Variants in RGPD3 observed in about 807,000 individuals in gnomAD.
The protein encoded by RGPD3 is ranBP2-like and GRIP domain-containing protein 3.
In RGPD3, 62 loss-of-function variants were observed where a neutral mutation model predicts 154.5. The ratio of observed to expected loss-of-function variants is 0.40; its 90% CI spans 0.33 to 0.50. RGPD3 has a LOEUF of 0.50. RGPD3 is among the 20% of genes least tolerant of loss of function. RGPD3 has a pLI of 0.59. For missense variants in RGPD3, 919 were observed against 1,716.8 expected, an observed-to-expected ratio of 0.54 and a Z score of 8.21; for synonymous variants, 308 against 607.0, an observed-to-expected ratio of 0.51 and a Z score of 7.24.
intron 8 of RGPD3, among the ~76,000 whole-genome samples, 156 bp downstream of exon 8, chr2:106,441,137 C>G (rs994679735): frequency 6.6e-6 from 1 of 151,838 alleles, no homozygotes. Context: ...GCTATTTCTT[C>G]GCATCTCTTC....
At chr2:106,443,684 C>A (rs1264657303) in intron 7 of RGPD3, among the ~76,000 whole-genome samples, 1 of 111,960 alleles carries the variant, frequency 8.9e-6, no homozygotes, top group South Asian at 3.0e-4. Context: ...TTCACTATTT[C>A]CTTTTTTTTT....
chr2:106,464,035 T>C (rs1678483367), intron 1 of RGPD3, among the ~76,000 whole-genome samples: 1 of 152,152 alleles, frequency 6.6e-6, no homozygotes, highest in African/African-American at 2.4e-5. Flanking sequence ...TGGAGGAGCA[T>C]AATAGCCAGT....
chr2:106,415,926 G>T lies in RGPD3; in HGVS notation c.4988C>A (p.Thr1663Lys). The T allele has an allele frequency of 2.5e-6, 4 of 1,611,842 alleles. No individual in the cohort carries two copies. The highest frequency in any genetic ancestry group is 3.4e-6 in the Non-Finnish European group (4 of 1,179,836). Residue 1663 changes from threonine (T) to lysine (K), a missense_variant, in exon 21 of 23, where the codon ACA becomes AAA. By Grantham distance (78) the Thr-to-Lys change is moderately conservative. Coordinates refer to ENST00000409886, the MANE Select transcript of RGPD3 (RefSeq NM_001144013.2). Reference sequence around the variant, plus strand: ...GCCGTTTAAGTGATCTGCACTTTTTGTGGTGGAACTGAGCTTCTGAACCAA... The same window carrying T: ...GCCGTTTAAGTGATCTGCACTTTTTTTGGTGGAACTGAGCTTCTGAACCAA... ...EELVQKLSST[T>K]KSADHLNGLL...
chr2:106,467,447 GCCGCCGC>G (rs1335323426), intron 1 of RGPD3, among the ~76,000 whole-genome samples: 66 of 85,678 alleles, frequency 7.7e-4, no homozygotes, highest in East Asian at 2.2e-3. Context: ...CCGGGTCGAG[GCCGCCGC>G]CTCAACAGAG....
At chr2:106,469,709 C>G (rs1678764383), upstream of RGPD3, among the ~76,000 whole-genome samples, 1 of 152,194 alleles carries the variant, frequency 6.6e-6, no homozygotes, top group African/African-American at 2.4e-5. Context: ...AACCAATCAG[C>G]TGACAAATTC....
chr2:106,412,810 G>A lies in RGPD3; in HGVS notation c.5266+274C>T, dbSNP rs200640987. On this transcript the variant is annotated intron_variant, in intron 22 of 22. Transcript: ENST00000409886. ...ACCACGTTCAGCTGAACACCAGAACGCAACACCAGGATAAAAATCCAATTT... is the reference window on the plus strand; with the variant it reads ...ACCACGTTCAGCTGAACACCAGAACACAACACCAGGATAAAAATCCAATTT... 1,917 of 599,838 alleles carry A rather than the reference G, an allele frequency of 3.2e-3. 6 individuals carry two copies. The highest frequency in any genetic ancestry group is 5.3e-3 in the Non-Finnish European group (1,729 of 325,318). The allele number at this position is 599,838 out of a possible 1,614,324, so 37.2% of individuals were successfully genotyped here. A position where few individuals can be genotyped will look rare whatever the true frequency, so the allele number is the denominator to read the frequency against.
chr2:106,441,186 A>T (rs62152472), intron 8 of RGPD3, 107 bp downstream of exon 8: 277,299 of 1,522,176 alleles, frequency 0.18, 26,953 homozygotes, highest in South Asian at 0.2. Flanking sequence ...GAAAAGAAAT[A>T]ATTTTGACAA....
At chr2:106,464,093 C>T (rs1257648756) in intron 1 of RGPD3, among the ~76,000 whole-genome samples, 2 of 152,068 alleles carry the variant, frequency 1.3e-5, no homozygotes, top group African/African-American at 4.8e-5. Context: ...CGCCTGTAAT[C>T]CCGGCACTTT....
chr2:106,424,123 G>A lies in RGPD3; in HGVS notation c.3844C>T (p.Leu1282Phe). The A allele has an allele frequency of 1.3e-6, 2 of 1,585,314 alleles. No individual in the cohort carries two copies. The change falls in exon 20 of 23, where the codon CTT (leucine) becomes TTT (phenylalanine). Residue 1282 changes from leucine (L) to phenylalanine (F), a missense_variant. Coordinates refer to ENST00000409886, the MANE Select transcript of RGPD3 (RefSeq NM_001144013.2). Reference protein sequence around the residue: ...PLASSPVRKNLFHFDESTTGS... With the variant: ...PLASSPVRKNFFHFDESTTGS... The stretch of plus-strand genomic sequence containing the variant: ...GTTGTTGACTCATCAAAGTGGAAAA[G>A]ATTTTTTCTCACAGGGCTACTTGCC...
chr2:106,412,579 A>G (rs1490765394), intron 22 of RGPD3, among the ~76,000 whole-genome samples: 2 of 151,378 alleles, frequency 1.3e-5, no homozygotes, highest in South Asian at 4.2e-4. Context: ...AAGTGGTGGG[A>G]TTATAGGTGT....
chr2:106,422,807 C>G (rs1358416888), intron 20 of RGPD3, among the ~76,000 whole-genome samples: 2 of 151,538 alleles, frequency 1.3e-5, no homozygotes, highest in Admixed American at 6.6e-5. Flanking sequence ...TTCTTTTGCT[C>G]TGCCCTAGCA....
rs1676781111 is a variant in RGPD3, at chr2:106,414,990, G to T, written c.5064+860C>A. 7.2e-5 allele frequency among the ~76,000 whole-genome samples: 11 copies of T among 152,202 alleles called. No homozygotes were observed. In the South Asian group the frequency reaches 2.3e-3, roughly 32 times the overall value. On this transcript the variant is annotated intron_variant, in intron 21 of 22. Coordinates refer to ENST00000409886, the MANE Select transcript of RGPD3 (RefSeq NM_001144013.2). ...GATGAGATTAAATAATATACGTAGA[G>T]CCCAGGGCCTGGGTCATAAGAACTC... is the stretch of plus-strand genomic sequence containing the variant.
chr2:106,414,008 G>C lies in RGPD3; in HGVS notation c.5065-723C>G, dbSNP rs1260788348. Among the ~76,000 whole-genome samples, 14 of 152,096 alleles carry C rather than the reference G, an allele frequency of 9.2e-5. No individual in the cohort carries two copies. The South Asian group carries it at 1.5e-3, about 16-fold the overall frequency. On this transcript the variant is annotated intron_variant, in intron 21 of 22. Transcript: ENST00000409886. ...GCCTCCACTAACCCCCTGCCCCTAC[G>C]CTGTTCCTGAAGTCCCAGGCAGTTA...
Position 106,468,251 on chromosome 2 carries a change from G to A in RGPD3, c.38C>T (p.Ala13Val). 1 of 1,608,026 alleles carries A rather than the reference G, an allele frequency of 6.2e-7. No individual in the cohort carries two copies. Among genetic ancestry groups the A allele is most frequent in the Non-Finnish European group, 8.5e-7 (1 of 1,178,372 alleles). The change falls in exon 1 of 23, where the codon GCC becomes GTC. Residue 13 changes from alanine to valine, a missense_variant. By Grantham distance (64) the Ala-to-Val change is moderately conservative. Transcript: ENST00000409886. ...CSKAYGERYV[A>V]SVQGSAPSPR... Reference sequence around the variant, plus strand: ...CGACGGGGCGGAGCCCTGCACCGAGGCGACGTACCGCTCCCCGTAGGCCTT... The same window carrying A: ...CGACGGGGCGGAGCCCTGCACCGAGACGACGTACCGCTCCCCGTAGGCCTT...
In RGPD3 at chr2:106,403,881, T is replaced by G. The variant is rs1249736200; in HGVS notation, c.*1338A>C. ...CAAAGTGCAAAGTCAGTTCCCCAGC[T>G]CAGAAAGAAAATTAAGAGTATAAAC... On this transcript the variant is annotated 3_prime_UTR_variant, in exon 23 of 23. Coordinates refer to ENST00000409886, the MANE Select transcript of RGPD3 (RefSeq NM_001144013.2). 2.0e-5 allele frequency among the ~76,000 whole-genome samples: 3 copies of G among 152,224 alleles called. No individual in the cohort carries two copies. Among genetic ancestry groups the G allele is most frequent in the Non-Finnish European group, 4.4e-5 (3 of 68,034 alleles).
intron 17 of RGPD3, among the ~76,000 whole-genome samples, chr2:106,432,105 A>C (rs1677379531): frequency 6.7e-6 from 1 of 148,798 alleles, no homozygotes; most frequent in African/African-American, 2.5e-5. Flanking sequence ...TCTACCTTTG[A>C]AGGTCTCAAA....
intron 21 of RGPD3, 95 bp downstream of exon 21, chr2:106,415,755 C>T: frequency 6.6e-7 from 1 of 1,517,536 alleles, no homozygotes; most frequent in East Asian, 2.4e-5. Flanking sequence ...ATAGATGCAT[C>T]TGCAATGTGA....
chr2:106,451,087 CAAA>C (rs10690405), intron 6 of RGPD3, among the ~76,000 whole-genome samples: 1 of 108,716 alleles, frequency 9.2e-6, no homozygotes, highest in African/African-American at 3.9e-5. Flanking sequence ...GACTCCCTCT[CAAA>C]AAAAAAAAAA....
rs879217149 is a variant in RGPD3 at position 106,403,991 on chromosome 2, A to G, written c.*1228T>C. On this transcript the variant is annotated 3_prime_UTR_variant, in exon 23 of 23. Transcript: ENST00000409886. Reference sequence around the variant, plus strand: ...TTATCCAATTTTTGATTTAAGAACAACACAGTTTGGATCTAGTCATTAAAA... The same window carrying G: ...TTATCCAATTTTTGATTTAAGAACAGCACAGTTTGGATCTAGTCATTAAAA... Among the ~76,000 whole-genome samples, 1 of 152,224 alleles carries G rather than the reference A, an allele frequency of 6.6e-6. No individual in the cohort carries two copies. Among genetic ancestry groups the G allele is most frequent in the Non-Finnish European group, 1.5e-5 (1 of 68,050 alleles).
Sources: gnomAD v4.1 joint callset for allele counts (sites outside exome capture counted in the v4.1 genomes callset) on GRCh38, gnomAD v4.1.1 for gene constraint, MANE v1.5 for transcripts, NCBI Gene and HGNC (gene_info 2026-07-23, HGNC 2026-07-21) for gene names.